Variants in TFCP2L1 observed in about 807,000 individuals in gnomAD.
TFCP2L1 encodes transcription factor CP2-like protein 1.
In TFCP2L1, 12 loss-of-function variants were observed where a neutral mutation model predicts 72.2. The observed-to-expected ratio is 0.17, with a 90% CI of 0.11 to 0.27. The LOEUF is 0.27. TFCP2L1 is among the 10% of genes least tolerant of loss of function. TFCP2L1 has a pLI of 1.00. For missense variants in TFCP2L1, 488 were observed against 624.6 expected (o/e 0.78, Z 2.33); for synonymous variants, 260 against 251.0 (o/e 1.04, Z -0.34).
intron 13 of TFCP2L1, among the ~76,000 whole-genome samples, chr2:121,228,539 T>G (rs1399893841): frequency 6.6e-6 from 1 of 151,384 alleles, no homozygotes; most frequent in African/African-American, 2.4e-5. Flanking sequence ...GCAGGTGAAC[T>G]GCTTGAGCCC....
At chr2:121,249,540 C>A (rs752585601) in intron 3 of TFCP2L1, 31 bp downstream of exon 3, 1 of 1,609,802 alleles carries the variant, frequency 6.2e-7, no homozygotes, top group Non-Finnish European at 8.5e-7. Context: ...CCCCTCTCCC[C>A]GAGGCAATGA....
rs749722783 is a variant in TFCP2L1 at position 121,259,721 on chromosome 2, C to T, written c.215-10074G>A. On this transcript the variant is annotated intron_variant, in intron 2 of 14. Transcript: ENST00000263707. ...TGAGTATGTACACAGTGTGACTGCA[C>T]TTTTGTTTTAAAATAAGTTATACTC... is the stretch of plus-strand genomic sequence containing the variant. 4.6e-5 allele frequency among the ~76,000 whole-genome samples: 7 copies of T among 152,222 alleles called. No homozygotes were observed. In the South Asian group the frequency reaches 1.2e-3, roughly 27 times the overall value.
intron 7 of TFCP2L1, among the ~76,000 whole-genome samples, chr2:121,240,886 A>G (rs1207726453): frequency 1.3e-5 from 2 of 152,176 alleles, no homozygotes; most frequent in African/African-American, 4.8e-5. Context: ...GTGCACATCT[A>G]TCTGACCACA....
At chr2:121,260,440 T>C (rs895152952) in intron 2 of TFCP2L1, among the ~76,000 whole-genome samples, 5 of 152,184 alleles carry the variant, frequency 3.3e-5, no homozygotes, top group African/African-American at 9.7e-5. Context: ...CACGTATTAA[T>C]AGTAAGTACT....
At chr2:121,237,579 T>TTGAAG (rs1203556412) in intron 10 of TFCP2L1, 44 bp downstream of exon 10, 1 of 1,607,400 alleles carries the variant, frequency 6.2e-7, no homozygotes, top group East Asian at 2.2e-5. Context: ...TTGAAGTGTC[T>TTGAAG]CCAAGATACT....
intron 6 of TFCP2L1, 90 bp downstream of exon 6, chr2:121,246,728 G>A: frequency 1.9e-6 from 3 of 1,546,790 alleles, no homozygotes; most frequent in Non-Finnish European, 2.6e-6. Flanking sequence ...CGCTGGGCCT[G>A]TAAGAGGAAA....
intron 13 of TFCP2L1, among the ~76,000 whole-genome samples, chr2:121,227,410 G>C (rs755673233): frequency 6.6e-6 from 1 of 152,172 alleles, no homozygotes; most frequent in African/African-American, 2.4e-5. Flanking sequence ...GGCCGGGCGC[G>C]GTGGCTCACG....
chr2:121,271,145 G>A lies in TFCP2L1; in HGVS notation c.214+9975C>T, dbSNP rs146199549. On this transcript the variant is annotated intron_variant, in intron 2 of 14. Coordinates refer to ENST00000263707, the MANE Select transcript of TFCP2L1 (RefSeq NM_014553.3). ...GAAAAGATTGCAGTGAGCCGAGATCGCACCACTGCACTCCAGCCTGGGCGA... is the reference window on the plus strand; with the variant it reads ...GAAAAGATTGCAGTGAGCCGAGATCACACCACTGCACTCCAGCCTGGGCGA... Among the ~76,000 whole-genome samples, 1,371 of 150,720 alleles carry A rather than the reference G, an allele frequency of 9.1e-3. 15 individuals are homozygous for A. Among genetic ancestry groups the A allele is most frequent in the South Asian group, 0.029 (139 of 4,770 alleles).
chr2:121,236,086 C>T (rs1277909748), intron 10 of TFCP2L1, among the ~76,000 whole-genome samples: 2 of 152,210 alleles, frequency 1.3e-5, no homozygotes, highest in Non-Finnish European at 2.9e-5. Flanking sequence ...GGAATGTAGT[C>T]AGAGTGTTCA....
chr2:121,248,336 C>T, intron 4 of TFCP2L1, 66 bp from the exon 5 acceptor site: 1 of 1,336,080 alleles, frequency 7.5e-7, no homozygotes, highest in South Asian at 1.3e-5. Context: ...TAGGGAAAGA[C>T]CCCTGTTACA....
intron 2 of TFCP2L1, among the ~76,000 whole-genome samples, chr2:121,263,468 G>C (rs1183345333): frequency 1.8e-5 from 1 of 55,892 alleles, no homozygotes; most frequent in Non-Finnish European, 3.2e-5. Flanking sequence ...TCTGTTTTTG[G>C]CAAAAAAAAA....
chr2:121,237,507 G>T, intron 10 of TFCP2L1, 116 bp downstream of exon 10: 2 of 1,208,064 alleles, frequency 1.7e-6, no homozygotes, highest in Non-Finnish European at 2.4e-6. Flanking sequence ...ACTATCTCGG[G>T]TCTCCCAGCT....
At chr2:121,243,738 CTA>C (rs902199051) in intron 6 of TFCP2L1, among the ~76,000 whole-genome samples, 1 of 151,734 alleles carries the variant, frequency 6.6e-6, no homozygotes, top group Non-Finnish European at 1.5e-5. Flanking sequence ...CCCGCCACCT[CTA>C]TATGAGACCA....
chr2:121,246,683 GT>G (rs1686493686), intron 6 of TFCP2L1, 134 bp downstream of exon 6: 1 of 1,161,220 alleles, frequency 8.6e-7, no homozygotes, highest in Non-Finnish European at 1.2e-6. Context: ...AGAAGCCCAG[GT>G]AGAAGCCATG....
At chr2:121,269,917 A>AT (rs1687010557) in intron 2 of TFCP2L1, among the ~76,000 whole-genome samples, 1 of 106,700 alleles carries the variant, frequency 9.4e-6, no homozygotes, top group Non-Finnish European at 2.1e-5. Context: ...TAAAAAAAAA[A>AT]AATATATATA....
chr2:121,228,530 C>T (rs1168197677), intron 13 of TFCP2L1, among the ~76,000 whole-genome samples: 1 of 151,338 alleles, frequency 6.6e-6, no homozygotes, highest in East Asian at 1.9e-4. Context: ...GAGGCCAAGG[C>T]AGGTGAACTG....
chr2:121,283,205 T>C (rs1410510267), intron 1 of TFCP2L1, among the ~76,000 whole-genome samples: 1 of 152,046 alleles, frequency 6.6e-6, no homozygotes, highest in East Asian at 1.9e-4. Flanking sequence ...TGCCAAGGAA[T>C]AAAAGTCACG....
chr2:121,256,880 C>T (rs1200994154), intron 2 of TFCP2L1, among the ~76,000 whole-genome samples: 1 of 152,050 alleles, frequency 6.6e-6, no homozygotes, highest in Non-Finnish European at 1.5e-5. Flanking sequence ...CGCTTGAACC[C>T]GGGAGGCAGA....
intron 4 of TFCP2L1, among the ~76,000 whole-genome samples, chr2:121,248,700 T>C (rs73950915): frequency 0.011 from 1,669 of 152,278 alleles, 45 homozygotes; most frequent in African/African-American, 0.038. Context: ...CTTCAACACT[T>C]ATCAAAATCC....
Sources: gnomAD v4.1 joint callset for allele counts (sites outside exome capture counted in the v4.1 genomes callset) on GRCh38, gnomAD v4.1.1 for gene constraint, MANE v1.5 for transcripts, NCBI Gene and HGNC (gene_info 2026-07-23, HGNC 2026-07-21) for gene names.